The following GLRA3 variants were observed in gnomAD, a reference collection of about 807,000 sequenced individuals.
The protein encoded by GLRA3 is glycine receptor alpha 3, also known as glycine receptor subunit alpha-3.
In GLRA3, 44 loss-of-function variants were observed where a neutral mutation model predicts 60.4. The observed-to-expected ratio is 0.73, with a 90% CI of 0.57 to 0.94. The LOEUF (loss-of-function observed/expected upper bound fraction) is 0.94. Ranked by LOEUF, GLRA3 falls within the 40% of genes least tolerant of loss-of-function variation. GLRA3 has a pLI of 0.00. For synonymous variants in GLRA3, 223 were observed against 192.9 expected (o/e 1.16, Z -1.29); for missense variants, 508 against 564.6 (o/e 0.90, Z 1.02).
chr4:174,828,771 A>C lies in GLRA3; in HGVS notation c.41T>G (p.Phe14Cys), dbSNP rs773982539. The change falls in exon 1 of 10, where the codon TTT becomes TGT. Residue 14 changes from phenylalanine to cysteine, a missense_variant. Phe to Cys is a radical substitution (Grantham distance 205, BLOSUM62 -2). Coordinates refer to ENST00000274093, the MANE Select transcript of GLRA3 (RefSeq NM_006529.4). ...VRHFRTLVSGFYFWEAALLLS... is the reference protein window; with the variant it reads ...VRHFRTLVSGCYFWEAALLLS... ...TAACAGTGCTGCTTCCCAGAAGTAAAATCCCGAAACTAATGTCCGAAAGTG... is the reference window on the plus strand; with the variant it reads ...TAACAGTGCTGCTTCCCAGAAGTAACATCCCGAAACTAATGTCCGAAAGTG... 1.2e-6 allele frequency: 2 copies of C among 1,612,580 alleles called. No homozygotes were observed. Among genetic ancestry groups the C allele is most frequent in the South Asian group, 2.2e-5 (2 of 91,040 alleles).
At chr4:174,795,306 A>C (rs1293106032) in intron 1 of GLRA3, among the ~76,000 whole-genome samples, 1 of 152,038 alleles carries the variant, frequency 6.6e-6, no homozygotes, top group Non-Finnish European at 1.5e-5. Flanking sequence ...CTCTGAAAAC[A>C]GTTATATATT....
At chr4:174,709,627 A>C (rs756735829) in intron 5 of GLRA3, among the ~76,000 whole-genome samples, 6 of 152,086 alleles carry the variant, frequency 3.9e-5, no homozygotes, top group Non-Finnish European at 7.4e-5. Context: ...AGGAATAAAC[A>C]GTATGTTGAA....
chr4:174,671,148 A>G (rs1733890191), intron 7 of GLRA3, among the ~76,000 whole-genome samples: 1 of 152,158 alleles, frequency 6.6e-6, no homozygotes, highest in Admixed American at 6.5e-5. Context: ...TGTCACAGTA[A>G]TAAACTTAAA....
At chr4:174,685,480 G>A (rs1352060) in intron 5 of GLRA3, among the ~76,000 whole-genome samples, 2,316 of 152,264 alleles carry the variant, frequency 0.015, 62 homozygotes, top group African/African-American at 0.051. Flanking sequence ...ATTCGGTAGA[G>A]TTTGTGAAAG....
At chr4:174,794,130 TTAAAA>T (rs140790655) in intron 1 of GLRA3, among the ~76,000 whole-genome samples, 7,862 of 152,206 alleles carry the variant, frequency 0.052, 214 homozygotes, top group African/African-American at 0.078. Flanking sequence ...AACATTAATC[TTAAAA>T]TAGAATAAGA....
At chr4:174,699,401 C>T (rs986006791) in intron 5 of GLRA3, among the ~76,000 whole-genome samples, 28 of 152,074 alleles carry the variant, frequency 1.8e-4, no homozygotes, top group African/African-American at 6.8e-4. Context: ...TCAAAGCCTA[C>T]AATATCAAGT....
At chr4:174,651,992 G>A (rs987372288) in intron 9 of GLRA3, among the ~76,000 whole-genome samples, 1 of 151,948 alleles carries the variant, frequency 6.6e-6, no homozygotes, top group African/African-American at 2.4e-5. Flanking sequence ...GAGAGACCAT[G>A]AGCCCCTGGA....
intron 2 of GLRA3, among the ~76,000 whole-genome samples, chr4:174,779,160 A>G (rs1244112371): frequency 6.6e-6 from 1 of 151,992 alleles, no homozygotes. Context: ...TGGGTCCCTG[A>G]CCCCCAAGCA....
chr4:174,643,973 G>T lies in GLRA3; in HGVS notation c.1208C>A (p.Pro403His). 1 of 1,613,788 alleles carries T rather than the reference G, an allele frequency of 6.2e-7. No individual in the cohort carries two copies. The change falls in exon 10 of 10, where the codon CCC (proline) becomes CAC (histidine). Residue 403 changes from proline to histidine, a missense_variant. Coordinates refer to ENST00000274093, the MANE Select transcript of GLRA3 (RefSeq NM_006529.4). The part of the protein sequence containing the change: ...QAKDGMTPKG[P>H]NHPVQVMPKS... ...TGGCATTACCTGGACAGGGTGGTTG[G>T]GGCCCTTTGGAGTCATGCCATCCTT... is the stretch of plus-strand genomic sequence containing the variant.
intron 5 of GLRA3, among the ~76,000 whole-genome samples, chr4:174,710,569 A>G (rs1373176716): frequency 1.3e-5 from 2 of 152,048 alleles, no homozygotes; most frequent in Non-Finnish European, 2.9e-5. Flanking sequence ...GCTCTTGGAA[A>G]TTCTCATTAA....
intron 4 of GLRA3, among the ~76,000 whole-genome samples, chr4:174,727,550 C>T (rs574369196): frequency 2.6e-5 from 4 of 152,260 alleles, no homozygotes; most frequent in East Asian, 1.9e-4. Context: ...TCTGTTCTTA[C>T]GTCCTGTTCT....
At chr4:174,800,205 G>C (rs895301038) in intron 1 of GLRA3, among the ~76,000 whole-genome samples, 15 of 151,982 alleles carry the variant, frequency 9.9e-5, no homozygotes, top group Non-Finnish European at 2.2e-4. Flanking sequence ...GAATAGACTT[G>C]ATACATCATA....
intron 5 of GLRA3, among the ~76,000 whole-genome samples, chr4:174,687,868 C>G (rs1321470410): frequency 2.0e-5 from 3 of 152,084 alleles, no homozygotes; most frequent in African/African-American, 4.8e-5. Context: ...AAGACCCATT[C>G]AAAGTGCAAG....
At chr4:174,735,034 A>G (rs1236443085) in intron 3 of GLRA3, among the ~76,000 whole-genome samples, 1 of 152,154 alleles carries the variant, frequency 6.6e-6, no homozygotes, top group Non-Finnish European at 1.5e-5. Context: ...TAACAAATTA[A>G]TCTCCCGCTA....
chr4:174,756,860 G>T (rs536645151), intron 3 of GLRA3, among the ~76,000 whole-genome samples: 154 of 152,172 alleles, frequency 1.0e-3, no homozygotes, highest in Non-Finnish European at 1.6e-3. Flanking sequence ...TGTTAGCCAG[G>T]ATGGTCTCGT....
intron 1 of GLRA3, among the ~76,000 whole-genome samples, chr4:174,808,369 T>C (rs1057269589): frequency 1.3e-5 from 2 of 152,078 alleles, no homozygotes; most frequent in South Asian, 2.1e-4. Flanking sequence ...GGTAATATCA[T>C]AGGGCAATAG....
chr4:174,655,433 A>T (rs550068193), intron 9 of GLRA3, among the ~76,000 whole-genome samples: 14 of 152,284 alleles, frequency 9.2e-5, no homozygotes, highest in Admixed American at 7.2e-4. Flanking sequence ...TATAAAAATA[A>T]GAATGTATTG....
chr4:174,649,691 T>C (rs180892571), intron 9 of GLRA3, among the ~76,000 whole-genome samples: 85 of 152,140 alleles, frequency 5.6e-4, no homozygotes, highest in African/African-American at 2.0e-3. Context: ...GTAAAGAAGT[T>C]TCCCAACAGC....
rs1050120361 is a variant in GLRA3 at position 174,779,300 on chromosome 4, A to G, written c.199+9516T>C. On this transcript the variant is annotated intron_variant, in intron 2 of 9. Coordinates refer to ENST00000274093, the MANE Select transcript of GLRA3 (RefSeq NM_006529.4). ...AACAAACAGAAAGAACATCCACACC[A>G]AAAACCCATCTGTACATCACCATCA... 9.5e-3 allele frequency among the ~76,000 whole-genome samples: 1,445 copies of G among 152,220 alleles called. 6 individuals carry two copies. Among genetic ancestry groups the G allele is most frequent in the Middle Eastern group, 0.017 (5 of 294 alleles).
Sources: allele counts gnomAD v4.1 joint callset (sites outside exome capture counted in the v4.1 genomes callset), GRCh38; gene constraint gnomAD v4.1.1; transcripts MANE v1.5; gene names NCBI Gene and HGNC (gene_info 2026-07-23, HGNC 2026-07-21).